TIAM1: variants seen among roughly 807,000 people sequenced by gnomAD.
TIAM1 encodes TIAM Rac1 associated GEF 1.
A neutral mutation model predicts 163.5 loss-of-function variants in TIAM1; 65 were observed. That is an observed-to-expected ratio of 0.40 (90% CI 0.33 to 0.49). The LOEUF (loss-of-function observed/expected upper bound fraction) is 0.49, where lower values mean the gene tolerates loss of function less well. Among genes scored for constraint, TIAM1 ranks in the 20% least tolerant of loss-of-function variants. The pLI is 0.77. For missense variants in TIAM1, 1,789 were observed against 2,044.7 expected, an observed-to-expected ratio of 0.87 and a Z score of 2.41; for synonymous variants, 833 against 810.1, an observed-to-expected ratio of 1.03 and a Z score of -0.48.
At chr21:31,531,081 T>C (rs964191688) in intron 1 of TIAM1, among the ~76,000 whole-genome samples, 4 of 152,132 alleles carry the variant, frequency 2.6e-5, no homozygotes, top group Non-Finnish European at 1.5e-5. Context: ...CTACAGCTCT[T>C]TGTGTTTTCC....
chr21:31,424,326 T>C, intron 2 of TIAM1, among the ~76,000 whole-genome samples: 1 of 152,174 alleles, frequency 6.6e-6, no homozygotes, highest in East Asian at 1.9e-4. Flanking sequence ...GTGAGGAAGC[T>C]TAAGATTCAA....
chr21:31,160,722 C>T (rs977862903), intron 16 of TIAM1: 2 of 383,094 alleles, frequency 5.2e-6, no homozygotes, highest in Non-Finnish European at 4.6e-6. Context: ...GCAAGGACAG[C>T]GACGGTGAGA....
At chr21:31,498,986 A>AGGGAAGGGAG (rs2046759053) in intron 1 of TIAM1, among the ~76,000 whole-genome samples, 1 of 106,234 alleles carries the variant, frequency 9.4e-6, no homozygotes, top group African/African-American at 3.8e-5. Flanking sequence ...AGAGAAGAGA[A>AGGGAAGGGAG]GGGAGGGGAG....
intron 2 of TIAM1, among the ~76,000 whole-genome samples, chr21:31,335,972 G>A (rs993739665): frequency 1.3e-5 from 2 of 152,166 alleles, no homozygotes; most frequent in African/African-American, 4.8e-5. Flanking sequence ...GCTGTGAGGT[G>A]CAATCATGTA....
At chr21:31,511,841 AG>A (rs2047219691) in intron 1 of TIAM1, among the ~76,000 whole-genome samples, 1 of 152,226 alleles carries the variant, frequency 6.6e-6, no homozygotes, top group Non-Finnish European at 1.5e-5. Context: ...TGCTAGGGCA[AG>A]GGAAAAATAT....
intron 1 of TIAM1, among the ~76,000 whole-genome samples, chr21:31,558,310 C>T (rs2123349671): frequency 6.6e-6 from 1 of 152,226 alleles, no homozygotes; most frequent in Non-Finnish European, 1.5e-5. Context: ...CCGCAGGATT[C>T]CGCTTTTAAT....
intron 2 of TIAM1, among the ~76,000 whole-genome samples, chr21:31,362,164 T>TA (rs199899704): frequency 0.018 from 2,618 of 146,062 alleles, 23 homozygotes; most frequent in African/African-American, 0.026. Flanking sequence ...CTATCCCTTT[T>TA]AAAAAAAAAA....
intron 1 of TIAM1, among the ~76,000 whole-genome samples, chr21:31,547,709 T>C (rs2048542108): frequency 2.0e-5 from 3 of 152,230 alleles, no homozygotes; most frequent in Admixed American, 2.0e-4. Flanking sequence ...CACACATCTT[T>C]TCTAAAATGT....
chr21:31,550,146 A>T (rs371823125), intron 1 of TIAM1, among the ~76,000 whole-genome samples: 60 of 150,516 alleles, frequency 4.0e-4, no homozygotes, highest in South Asian at 3.0e-3. Context: ...AAAAGAATTT[A>T]AAAAAAAAAG....
chr21:31,171,522 G>A (rs1041635276), intron 15 of TIAM1, among the ~76,000 whole-genome samples: 14 of 151,954 alleles, frequency 9.2e-5, no homozygotes, highest in Admixed American at 7.2e-4. Context: ...AATAATTGGC[G>A]GCATATCTGA....
intron 3 of TIAM1, among the ~76,000 whole-genome samples, chr21:31,269,967 G>A (rs568876481): frequency 2.6e-5 from 4 of 152,226 alleles, no homozygotes; most frequent in East Asian, 1.9e-4. Flanking sequence ...CACCACGCCC[G>A]GCCGATGAAT....
At chr21:31,433,017 T>A (rs1010252370) in intron 2 of TIAM1, among the ~76,000 whole-genome samples, 1 of 152,142 alleles carries the variant, frequency 6.6e-6, no homozygotes, top group African/African-American at 2.4e-5. Flanking sequence ...TGTAACAAAT[T>A]TAAATGTATG....
In TIAM1 at chr21:31,135,996, T is replaced by C; in HGVS notation, c.3820A>G (p.Ile1274Val). 1 of 1,614,148 alleles carries C rather than the reference T, an allele frequency of 6.2e-7. No individual in the cohort carries two copies. The highest frequency in any genetic ancestry group is 8.5e-7 in the Non-Finnish European group (1 of 1,180,022). The part of the protein sequence containing the change: ...MGDLLLHTTV[I>V]WLNPPASLGK... ...AGCGAGGCCGGCGGGTTCAGCCAGATCACGGTAGTGTGCAAAAGCAGGTCT... is the reference window on the plus strand; with the variant it reads ...AGCGAGGCCGGCGGGTTCAGCCAGACCACGGTAGTGTGCAAAAGCAGGTCT... The change falls in exon 23 of 28, where the codon ATC becomes GTC. Residue 1274 changes from isoleucine to valine, a missense_variant. Coordinates refer to ENST00000541036, the MANE Select transcript of TIAM1 (RefSeq NM_001353694.2).
At chr21:31,244,768 T>C (rs1167495615) in intron 6 of TIAM1, among the ~76,000 whole-genome samples, 2 of 152,180 alleles carry the variant, frequency 1.3e-5, no homozygotes, top group African/African-American at 4.8e-5. Flanking sequence ...GTATTCTCAA[T>C]AGCACTATGC....
intron 4 of TIAM1, among the ~76,000 whole-genome samples, chr21:31,258,519 A>C (rs1446107937): frequency 6.6e-6 from 1 of 152,166 alleles, no homozygotes; most frequent in Non-Finnish European, 1.5e-5. Flanking sequence ...TAACTCTTTT[A>C]AAAAATTGAG....
chr21:31,141,314 C>T lies in TIAM1; in HGVS notation c.3655+11G>A. On this transcript the variant is annotated intron_variant, in intron 21 of 27. Transcript: ENST00000541036. This position sits in a 1 kb window ranked among gnomAD's most constrained non-coding sequence, Gnocchi z 4.7. Reference sequence around the variant, plus strand: ...ACTCAGGCCTGCCGGGGGTCCCAGGCCGAGGCCTACCGTCCAGGTGGTAGT... The same window carrying T: ...ACTCAGGCCTGCCGGGGGTCCCAGGTCGAGGCCTACCGTCCAGGTGGTAGT... 4 of 1,613,704 alleles carry T rather than the reference C, an allele frequency of 2.5e-6. No homozygotes were observed. Among genetic ancestry groups the T allele is most frequent in the Non-Finnish European group, 3.4e-6 (4 of 1,179,762 alleles).
At chr21:31,273,454 C>T (rs2073153001) in intron 3 of TIAM1, among the ~76,000 whole-genome samples, 1 of 152,158 alleles carries the variant, frequency 6.6e-6, no homozygotes, top group Admixed American at 6.5e-5. Context: ...TGACATAAAC[C>T]ACAGCCCAAC....
At chr21:31,509,896 G>A (rs1001775844) in intron 1 of TIAM1, among the ~76,000 whole-genome samples, 6 of 152,168 alleles carry the variant, frequency 3.9e-5, no homozygotes, top group African/African-American at 1.4e-4. Context: ...TCCCCACCAC[G>A]AGAGTGTGTT....
intron 2 of TIAM1, among the ~76,000 whole-genome samples, chr21:31,289,148 A>G (rs1194390617): frequency 1.3e-5 from 2 of 152,206 alleles, no homozygotes; most frequent in Admixed American, 6.5e-5. Flanking sequence ...GTATAAAATA[A>G]GAAGTCAATA....
Sources: gnomAD v4.1 joint callset for allele counts (sites outside exome capture counted in the v4.1 genomes callset) on GRCh38, gnomAD v4.1.1 for gene constraint, Gnocchi (gnomAD v3.1) non-coding constraint, MANE v1.5 for transcripts, NCBI Gene and HGNC (gene_info 2026-07-23, HGNC 2026-07-21) for gene names.